The following SULF1 variants were observed in gnomAD, a reference collection of about 807,000 sequenced individuals.
The protein encoded by SULF1 is extracellular sulfatase Sulf-1.
In SULF1, 46 loss-of-function variants were observed where a neutral mutation model predicts 110.5. The observed-to-expected ratio is 0.42, with a 90% confidence interval of 0.33 to 0.53. SULF1 has a LOEUF of 0.53. Ranked by LOEUF, SULF1 falls within the 20% of genes least tolerant of loss-of-function variation. SULF1 has a pLI of 0.12. For missense variants in SULF1, 941 were observed against 1,094.2 expected (o/e 0.86, Z 1.98); for synonymous variants, 371 against 387.1 (o/e 0.96, Z 0.49).
chr8:69,640,597 AT>A (rs536340027), intron 21 of SULF1, among the ~76,000 whole-genome samples: 1,811 of 145,214 alleles, frequency 0.012, 33 homozygotes, highest in African/African-American at 0.041. Context: ...ATGAACTCTT[AT>A]TTTTTTTTTT....
intron 3 of SULF1, among the ~76,000 whole-genome samples, chr8:69,514,915 G>A (rs1811817974): frequency 6.6e-6 from 1 of 152,162 alleles, no homozygotes; most frequent in Non-Finnish European, 1.5e-5. Context: ...TGCAAGCAGT[G>A]GGCTCCCAAG....
At chr8:69,651,036 T>C (rs2130731960) in intron 22 of SULF1, among the ~76,000 whole-genome samples, 1 of 150,638 alleles carries the variant, frequency 6.6e-6, no homozygotes, top group South Asian at 2.1e-4. Flanking sequence ...TCTATCAACA[T>C]CTATTCTTTT....
intron 5 of SULF1, among the ~76,000 whole-genome samples, chr8:69,575,030 G>A (rs1805503937): frequency 6.6e-6 from 1 of 152,128 alleles, no homozygotes; most frequent in Non-Finnish European, 1.5e-5. Flanking sequence ...AGTGGGACCT[G>A]TTGGAAATCT....
In SULF1 at chr8:69,659,450, G is replaced by A. The variant is rs1812970373; in HGVS notation, c.*915G>A. On this transcript the variant is annotated 3_prime_UTR_variant, in exon 23 of 23. Coordinates refer to ENST00000402687, the MANE Select transcript of SULF1 (RefSeq NM_001128205.2). ...GTACCTTTGTGCAGTAGAAGCTAGT[G>A]AGCATGTGAGCAAGCGGTGTGCACA... The A allele has an allele frequency of 3.0e-6, 1 of 331,242 alleles. No homozygotes were observed. Among genetic ancestry groups the A allele is most frequent in the Non-Finnish European group, 5.9e-6 (1 of 170,332 alleles). The allele number at this position is 331,242 out of a possible 1,614,324, so 20.5% of individuals were successfully genotyped here. A position where few individuals can be genotyped will look rare whatever the true frequency, so the allele number is the denominator to read the frequency against.
chr8:69,552,850 G>T (rs1000478807), intron 3 of SULF1, among the ~76,000 whole-genome samples: 2 of 152,188 alleles, frequency 1.3e-5, no homozygotes, highest in African/African-American at 4.8e-5. Flanking sequence ...TGGCTCAGAA[G>T]AATACAGCAT....
chr8:69,560,677 C>A (rs1815419624), intron 3 of SULF1, among the ~76,000 whole-genome samples: 2 of 152,192 alleles, frequency 1.3e-5, no homozygotes. Flanking sequence ...ACATTGCATC[C>A]TTGTCTCTTC....
chr8:69,580,358 A>G (rs1805977614), intron 6 of SULF1, among the ~76,000 whole-genome samples: 1 of 152,206 alleles, frequency 6.6e-6, no homozygotes, highest in Non-Finnish European at 1.5e-5. Context: ...CATTAATATA[A>G]AACCTGGCTT....
At chr8:69,648,483 G>T (rs1465393739) in intron 22 of SULF1, among the ~76,000 whole-genome samples, 1 of 152,206 alleles carries the variant, frequency 6.6e-6, no homozygotes, top group Non-Finnish European at 1.5e-5. Context: ...ACACAACCCA[G>T]GGGAACGGCC....
chr8:69,589,138 A>G lies in SULF1; in HGVS notation c.731A>G (p.His244Arg). Residue 244 changes from histidine to arginine, a missense_variant, in exon 8 of 23, where the codon CAC (histidine) becomes CGC (arginine). Physicochemically the swap from His to Arg is conservative, Grantham distance 29 (BLOSUM62 0). This residue lies in a region of SULF1 where 822 missense variants were observed against 934.3 expected (regional missense o/e 0.88). Transcript: ENST00000402687. ...FSKLYPNASQ[H>R]ITPSYNYAPN... ...AAACTGTACCCCAATGCTTCCCAAC[A>G]CATGTAAGTAACAAACTCAACTCTG... The G allele has an allele frequency of 6.2e-7, 1 of 1,612,588 alleles. No individual in the cohort carries two copies. The highest frequency in any genetic ancestry group is 8.5e-7 in the Non-Finnish European group (1 of 1,178,884).
At chr8:69,514,925 G>C (rs1022071979) in intron 3 of SULF1, among the ~76,000 whole-genome samples, 3 of 152,206 alleles carry the variant, frequency 2.0e-5, no homozygotes, top group African/African-American at 7.2e-5. Flanking sequence ...GGGCTCCCAA[G>C]GCTTTGGGAA....
chr8:69,613,796 T>C (rs1013173515), intron 13 of SULF1, among the ~76,000 whole-genome samples: 2 of 152,160 alleles, frequency 1.3e-5, no homozygotes, highest in African/African-American at 4.8e-5. Context: ...AGTACTGCTC[T>C]AGGTTCATAT....
At chr8:69,625,919 C>T (rs1809973739) in intron 15 of SULF1, 1 of 152,194 alleles carries the variant, frequency 6.6e-6, no homozygotes, top group Admixed American at 6.5e-5. Context: ...TTTACAATCC[C>T]TGAGCTAGAT....
intron 3 of SULF1, among the ~76,000 whole-genome samples, chr8:69,516,956 AC>A (rs1729045590): frequency 6.6e-6 from 1 of 152,318 alleles, no homozygotes; most frequent in African/African-American, 2.4e-5. Context: ...AATACCAAAA[AC>A]ATCTTCTCAC....
At chr8:69,491,688 T>G (rs1002156501), upstream of SULF1, among the ~76,000 whole-genome samples, 17 of 152,238 alleles carry the variant, frequency 1.1e-4, no homozygotes, top group African/African-American at 4.1e-4. Context: ...GTGGTGGCTC[T>G]CACCTATGCC....
At chr8:69,542,331 C>A (rs1287612983) in intron 3 of SULF1, among the ~76,000 whole-genome samples, 1 of 152,002 alleles carries the variant, frequency 6.6e-6, no homozygotes, top group East Asian at 1.9e-4. Context: ...AATTCCTTAA[C>A]CCGAGACAGA....
At chr8:69,630,492 C>T (rs1252641730) in intron 19 of SULF1, among the ~76,000 whole-genome samples, 1 of 152,170 alleles carries the variant, frequency 6.6e-6, no homozygotes, top group Non-Finnish European at 1.5e-5. Context: ...AGGGCTTGTC[C>T]TAGGAGACTT....
intron 3 of SULF1, among the ~76,000 whole-genome samples, chr8:69,520,272 T>C (rs1043778194): frequency 6.6e-6 from 1 of 152,128 alleles, no homozygotes; most frequent in Non-Finnish European, 1.5e-5. Flanking sequence ...AAATTCCCTT[T>C]TGTTCCTTTT....
rs977251256 is a variant in SULF1, at chr8:69,495,763, A to G, written c.-390-2A>G. On this transcript the variant is annotated splice_acceptor_variant, in intron 1 of 22. Transcript: ENST00000402687. LOFTEE classifies it low-confidence loss of function (5UTR_SPLICE). ...ATCAAAAACAAACCCTTTCCTTAAC[A>G]GGGATTCTTCACTTCTCTTGAACAA... is the stretch of plus-strand genomic sequence containing the variant. The G allele has an allele frequency of 1.3e-5, 2 of 152,264 alleles. No homozygotes were observed. The highest frequency in any genetic ancestry group is 4.8e-5 in the African/African-American group (2 of 41,470). 9.4% of individuals were successfully genotyped at this position (152,264 alleles called of 1,614,324 possible).
chr8:69,502,437 A>G (rs1343795995), intron 3 of SULF1, among the ~76,000 whole-genome samples: 4 of 152,184 alleles, frequency 2.6e-5, no homozygotes, highest in African/African-American at 4.8e-5. Flanking sequence ...AAGAGCTTTC[A>G]TGGAGCCAGG....
Sources: allele counts gnomAD v4.1 joint callset (sites outside exome capture counted in the v4.1 genomes callset), GRCh38; gene constraint gnomAD v4.1.1; regional missense constraint gnomAD v4.1.1; transcripts MANE v1.5; gene names NCBI Gene and HGNC (gene_info 2026-07-23, HGNC 2026-07-21).